DCAF8L2: variants seen among roughly 807,000 people sequenced by gnomAD.
The protein encoded by DCAF8L2 is DDB1- and CUL4-associated factor 8-like protein 2.
For synonymous variants in DCAF8L2, 200 were observed against 190.9 expected (o/e 1.05, Z -0.39); for missense variants, 430 against 490.7 (o/e 0.88, Z 1.17).
chrX:27,719,604 C>A lies in DCAF8L2; in HGVS notation c.-59+3433C>A, dbSNP rs758617029. On this transcript the variant is annotated intron_variant, in intron 4 of 4. Coordinates refer to ENST00000451261, the MANE Select transcript of DCAF8L2 (RefSeq NM_001353450.2). ...GGACTACAGGTGCATGTCGCCATGCCTGGCTAAGTTTTGCATTTTTAGTAG... is the reference window on the plus strand; with the variant it reads ...GGACTACAGGTGCATGTCGCCATGCATGGCTAAGTTTTGCATTTTTAGTAG... 1.0e-4 allele frequency among the ~76,000 whole-genome samples: 11 copies of A among 109,633 alleles called. No homozygotes were observed. In the East Asian group the frequency reaches 2.9e-3, roughly 29 times the overall value.
chrX:27,602,849 G>T, intron 1 of DCAF8L2, among the ~76,000 whole-genome samples: 1 of 111,602 alleles, frequency 9.0e-6, no homozygotes, highest in East Asian at 2.8e-4. Context: ...TGAGTATAAG[G>T]AAATGTAAAA....
the DCAF8L2 span, among the ~76,000 whole-genome samples, chrX:27,495,007 T>C: frequency 9.0e-6 from 1 of 111,657 alleles, no homozygotes; most frequent in Non-Finnish European, 1.9e-5. Context: ...AAAGACGTAC[T>C]GCTCTATTTT....
chrX:27,616,185 C>T (rs1321924079), intron 1 of DCAF8L2, among the ~76,000 whole-genome samples: 1 of 110,735 alleles, frequency 9.0e-6, no homozygotes. Context: ...GCTAAAGATA[C>T]TATTGCTGTT....
the DCAF8L2 span, among the ~76,000 whole-genome samples, chrX:27,513,361 A>T: frequency 2.2e-3 from 242 of 111,754 alleles, 1 homozygote; most frequent in African/African-American, 7.5e-3. Context: ...AATATCTGGA[A>T]TATATAAGGA....
chrX:27,676,444 C>G lies in DCAF8L2; in HGVS notation c.-219-1392C>G, dbSNP rs757634627. ...TATGTATATATGAATAAATGTATGT[C>G]TACTTATACAATATTAGAATCTTAA... On this transcript the variant is annotated intron_variant, in intron 2 of 4. Coordinates refer to ENST00000451261, the MANE Select transcript of DCAF8L2 (RefSeq NM_001353450.2). Among the ~76,000 whole-genome samples, 6 of 110,791 alleles carry G rather than the reference C, an allele frequency of 5.4e-5. No homozygotes were observed. In the East Asian group the frequency reaches 1.7e-3, roughly 31 times the overall value.
chrX:27,570,129 CCTT>C, the DCAF8L2 span, among the ~76,000 whole-genome samples: 2 of 111,011 alleles, frequency 1.8e-5, no homozygotes, highest in African/African-American at 6.5e-5. Flanking sequence ...TGTCGCACCT[CCTT>C]CTGCACCTCC....
the DCAF8L2 span, among the ~76,000 whole-genome samples, chrX:27,495,430 A>T: frequency 3.6e-5 from 4 of 111,573 alleles, no homozygotes; most frequent in Non-Finnish European, 7.5e-5. Context: ...CAGCTCTTCC[A>T]TTTCTCTGAA....
At chrX:27,608,743 G>A (rs769521162) in intron 1 of DCAF8L2, among the ~76,000 whole-genome samples, 1 of 109,248 alleles carries the variant, frequency 9.2e-6, no homozygotes, top group Non-Finnish European at 1.9e-5. Context: ...ACAGAAGAAG[G>A]TTCCTTCTCT....
At chrX:27,726,523 T>A (rs1164560173) in intron 4 of DCAF8L2, among the ~76,000 whole-genome samples, 3 of 111,034 alleles carry the variant, frequency 2.7e-5, no homozygotes, top group Non-Finnish European at 5.7e-5. Context: ...CCCACCCACA[T>A]AAAGCACTCA....
chrX:27,697,436 C>T (rs1295956818), intron 3 of DCAF8L2, among the ~76,000 whole-genome samples: 2 of 111,028 alleles, frequency 1.8e-5, no homozygotes, highest in Non-Finnish European at 3.8e-5. Context: ...AAATTAGAAA[C>T]ACACATATTC....
chrX:27,640,800 C>T (rs1400402990), intron 2 of DCAF8L2, among the ~76,000 whole-genome samples: 1 of 109,369 alleles, frequency 9.1e-6, no homozygotes, highest in Non-Finnish European at 1.9e-5. Flanking sequence ...TGGTATTTTA[C>T]AAGAAAAAAT....
At chrX:27,670,268 T>G (rs2147224702) in intron 2 of DCAF8L2, among the ~76,000 whole-genome samples, 1 of 111,308 alleles carries the variant, frequency 9.0e-6, no homozygotes, top group South Asian at 3.7e-4. Context: ...GGCCCCGATT[T>G]CAAGTAACAA....
intron 2 of DCAF8L2, among the ~76,000 whole-genome samples, chrX:27,635,904 C>T (rs893723519): frequency 9.9e-4 from 107 of 108,277 alleles, no homozygotes; most frequent in Non-Finnish European, 1.5e-3. Flanking sequence ...CTCCGCCTCC[C>T]GGGTTCAAGC....
intron 1 of DCAF8L2, among the ~76,000 whole-genome samples, chrX:27,612,345 G>T (rs952468174): frequency 2.7e-5 from 3 of 111,874 alleles, no homozygotes; most frequent in African/African-American, 9.8e-5. Context: ...CTGGATATTA[G>T]CCCTTTGTCA....
At chrX:27,523,877 T>C in the DCAF8L2 span, among the ~76,000 whole-genome samples, 2 of 111,036 alleles carry the variant, frequency 1.8e-5, no homozygotes, top group African/African-American at 6.6e-5. Context: ...GTTTGGTTAT[T>C]TGTCCTTGCC....
At chrX:27,617,631 TAA>T (rs754150312) in intron 1 of DCAF8L2, among the ~76,000 whole-genome samples, 64 of 111,495 alleles carry the variant, frequency 5.7e-4, no homozygotes, top group African/African-American at 2.0e-3. Flanking sequence ...TCCCTTTTTA[TAA>T]GTTTCTGTTT....
At chrX:27,654,122 G>GA (rs1015310351) in intron 2 of DCAF8L2, among the ~76,000 whole-genome samples, 12 of 111,071 alleles carry the variant, frequency 1.1e-4, no homozygotes, top group African/African-American at 2.6e-4. Flanking sequence ...GCTGGTTCAA[G>GA]AACCTCCAGA....
chrX:27,511,862 G>A, the DCAF8L2 span, among the ~76,000 whole-genome samples: 14 of 111,775 alleles, frequency 1.3e-4, no homozygotes, highest in African/African-American at 2.9e-4. Flanking sequence ...TCTCTGTGCC[G>A]GTAGTGAACT....
the DCAF8L2 span, among the ~76,000 whole-genome samples, chrX:27,503,132 T>G: frequency 1.8e-5 from 2 of 111,967 alleles, no homozygotes. Flanking sequence ...AAGCCTTTGC[T>G]TATTTTCTTG....
Sources: gnomAD v4.1 joint callset for allele counts (sites outside exome capture counted in the v4.1 genomes callset) on GRCh38, gnomAD v4.1.1 for gene constraint, MANE v1.5 for transcripts, NCBI Gene and HGNC (gene_info 2026-07-23, HGNC 2026-07-21) for gene names.